Variants in PNLIPRP3 observed in about 807,000 individuals in gnomAD.
PNLIPRP3 encodes the protein pancreatic lipase-related protein 3.
A neutral mutation model predicts 52.8 loss-of-function variants in PNLIPRP3; 58 were observed. The ratio of observed to expected loss-of-function variants is 1.10; its 90% CI spans 0.89 to 1.37. PNLIPRP3 has a LOEUF of 1.37. PNLIPRP3 is among the 40% of genes most tolerant of loss of function. The pLI, the probability that PNLIPRP3 is intolerant of heterozygous loss-of-function variation, is 0.00. For missense variants in PNLIPRP3, 593 were observed against 561.6 expected (o/e 1.06, Z -0.57); for synonymous variants, 192 against 185.0 (o/e 1.04, Z -0.31).
At chr10:116,432,922 G>A (rs765738048) in intron 1 of PNLIPRP3, among the ~76,000 whole-genome samples, 49 of 151,810 alleles carry the variant, frequency 3.2e-4, no homozygotes, top group Non-Finnish European at 6.5e-4. Flanking sequence ...AGACTAGCTT[G>A]GCTAACATGG....
chr10:116,476,740 A>T lies in PNLIPRP3; in HGVS notation c.1261A>T (p.Lys421Ter). 6.2e-7 allele frequency: 1 copy of T among 1,610,768 alleles called. No individual in the cohort carries two copies. Among genetic ancestry groups the T allele is most frequent in the Non-Finnish European group, 8.5e-7 (1 of 1,178,298 alleles). The change falls in exon 11 of 12, where the codon AAA becomes TAA. Residue 421 changes from lysine to a stop codon, truncating the protein, a stop_gained. Coordinates refer to ENST00000369230, the MANE Select transcript of PNLIPRP3 (RefSeq NM_001011709.3). LOFTEE classifies it high-confidence loss of function. Reference protein sequence around the residue: ...GNITSVQFIWKKHLFEDSQNK... With the variant: ...GNITSVQFIW ...CATTACAAGTGTTCAGTTCATCTGG[A>T]AAAAACATTTGTTTGAAGATTCTCA... is the stretch of plus-strand genomic sequence containing the variant.
At position 116,443,797 on chromosome 10, in the gene PNLIPRP3, GTGTGCATATA is replaced by G. The variant is rs1288327587; in HGVS notation, c.325-583_325-574del. ...TGTGTGTGTGTGTGTATGTATGTGTGTGTGCATATATATATATATATATATATATATATAT... is the reference window on the plus strand; with the variant it reads ...TGTGTGTGTGTGTGTATGTATGTGTGTATATATATATATATATATATATAT... On this transcript the variant is annotated intron_variant, in intron 3 of 11. Transcript: ENST00000369230. Among the ~76,000 whole-genome samples the G allele has an allele frequency of 5.1e-3, 609 of 120,102 alleles. 30 individuals carry two copies. The highest frequency in any genetic ancestry group is 0.02 in the Admixed American group (230 of 11,546). 78.8% of individuals were successfully genotyped at this position (120,102 alleles called of 152,430 possible).
At chr10:116,430,909 T>C (rs1349933024) in intron 1 of PNLIPRP3, among the ~76,000 whole-genome samples, 1 of 152,176 alleles carries the variant, frequency 6.6e-6, no homozygotes, top group East Asian at 1.9e-4. Context: ...CCCAGTCTCG[T>C]ATATGCAAGG....
intron 10 of PNLIPRP3, among the ~76,000 whole-genome samples, chr10:116,475,364 T>C (rs1846446947): frequency 6.6e-6 from 1 of 152,120 alleles, no homozygotes. Context: ...GATGAAGTAA[T>C]CTGTACAACA....
At chr10:116,437,137 AC>A in intron 2 of PNLIPRP3, among the ~76,000 whole-genome samples, 1 of 150,258 alleles carries the variant, frequency 6.7e-6, no homozygotes. Context: ...CCAACTGAGA[AC>A]CTTCCATCTG....
At chr10:116,437,759 T>C (rs1025173714) in intron 2 of PNLIPRP3, among the ~76,000 whole-genome samples, 2 of 152,146 alleles carry the variant, frequency 1.3e-5, no homozygotes, top group Non-Finnish European at 2.9e-5. Context: ...ACTAGCCACA[T>C]GTGACTATTA....
At chr10:116,440,077 T>A (rs1027242654) in intron 2 of PNLIPRP3, 8 of 695,958 alleles carry the variant, frequency 1.1e-5, no homozygotes, top group African/African-American at 1.8e-5. Flanking sequence ...TAGATCAACT[T>A]TTTTTTAAGT....
chr10:116,435,787 A>C (rs143035977), intron 1 of PNLIPRP3, among the ~76,000 whole-genome samples: 1 of 152,186 alleles, frequency 6.6e-6, no homozygotes, highest in Non-Finnish European at 1.5e-5. Context: ...GCTTTTTGCT[A>C]TTAAGTTGTG....
intron 2 of PNLIPRP3, among the ~76,000 whole-genome samples, chr10:116,442,490 C>T (rs916341311): frequency 4.6e-5 from 7 of 152,142 alleles, no homozygotes; most frequent in Non-Finnish European, 7.3e-5. Context: ...TTAAACTTCC[C>T]AACATTGTCT....
At chr10:116,438,636 T>A (rs551915025) in intron 2 of PNLIPRP3, among the ~76,000 whole-genome samples, 1 of 152,322 alleles carries the variant, frequency 6.6e-6, no homozygotes, top group Non-Finnish European at 1.5e-5. Context: ...TGTACCTGAA[T>A]TTTGTAATGG....
rs115224959 is a variant in PNLIPRP3, at chr10:116,464,269, G to T, written c.809-1781G>T. On this transcript the variant is annotated intron_variant, in intron 7 of 11. Coordinates refer to ENST00000369230, the MANE Select transcript of PNLIPRP3 (RefSeq NM_001011709.3). ...CAGTTATTCTTGCAGAAACAGAGAG[G>T]CAGAGTCTTAACTGGTCTACAATGG... Among the ~76,000 whole-genome samples the T allele has an allele frequency of 9.5e-4, 144 of 152,256 alleles. 1 individual carries two copies. In the Middle Eastern group the frequency reaches 0.014, roughly 14 times the overall value.
chr10:116,467,942 G>A (rs1311222869), intron 8 of PNLIPRP3, among the ~76,000 whole-genome samples: 1 of 151,708 alleles, frequency 6.6e-6, no homozygotes, highest in African/African-American at 2.4e-5. Context: ...TGGTTAACAT[G>A]GTGAAACCCT....
At position 116,469,465 on chromosome 10, in the gene PNLIPRP3, A is replaced by G. The variant is rs1433690954; in HGVS notation, c.1060+148A>G. The G allele has an allele frequency of 1.2e-5, 9 of 756,460 alleles. 1 individual carries two copies. In the African/African-American group the frequency reaches 1.6e-4, roughly 14 times the overall value. The allele number at this position is 756,460 out of a possible 1,614,324, so 46.9% of individuals were successfully genotyped here. ...AACAACACAGTGAGGTCTTTAATTG[A>G]GTTTAGGCTAGTGGGAAAGACAGCA... is the stretch of plus-strand genomic sequence containing the variant. On this transcript the variant is annotated intron_variant, in intron 9 of 11. Transcript: ENST00000369230.
chr10:116,444,930 A>G (rs1004305763), intron 4 of PNLIPRP3, among the ~76,000 whole-genome samples: 1 of 152,214 alleles, frequency 6.6e-6, no homozygotes, highest in African/African-American at 2.4e-5. Flanking sequence ...TTAGGTCTGT[A>G]GGCCAGTCCA....
chr10:116,476,567 C>G (rs1281783729), intron 10 of PNLIPRP3, 85 bp from the exon 11 acceptor site: 1 of 1,052,644 alleles, frequency 9.5e-7, no homozygotes, highest in Non-Finnish European at 1.3e-6. Context: ...AGTTTCTCTT[C>G]CATAGTGCAT....
chr10:116,456,589 T>C (rs1846117260), intron 5 of PNLIPRP3, among the ~76,000 whole-genome samples: 1 of 152,250 alleles, frequency 6.6e-6, no homozygotes, highest in Non-Finnish European at 1.5e-5. Flanking sequence ...ATATTATCCC[T>C]GGATATACCG....
At chr10:116,462,357 C>G (rs1443864235) in intron 7 of PNLIPRP3, among the ~76,000 whole-genome samples, 1 of 149,898 alleles carries the variant, frequency 6.7e-6, no homozygotes, top group African/African-American at 2.4e-5. Flanking sequence ...TAATGGATAC[C>G]TGGATGATTC....
At chr10:116,432,497 G>A (rs1416196479) in intron 1 of PNLIPRP3, among the ~76,000 whole-genome samples, 1 of 152,106 alleles carries the variant, frequency 6.6e-6, no homozygotes, top group African/African-American at 2.4e-5. Context: ...ATAAGTAAAG[G>A]TGAAGAAAGC....
At chr10:116,439,603 G>T in intron 2 of PNLIPRP3, 1 of 779,196 alleles carries the variant, frequency 1.3e-6, no homozygotes, top group Non-Finnish European at 2.3e-6. Context: ...TACTTTTTCA[G>T]CTTTGCCACC....
Sources: gnomAD v4.1 joint callset for allele counts (sites outside exome capture counted in the v4.1 genomes callset) on GRCh38, gnomAD v4.1.1 for gene constraint, MANE v1.5 for transcripts, NCBI Gene and HGNC (gene_info 2026-07-23, HGNC 2026-07-21) for gene names.